ATP2B4: variants seen among roughly 807,000 people sequenced by gnomAD.
The protein encoded by ATP2B4 is plasma membrane calcium-transporting ATPase 4.
Under a neutral mutation model 110.3 loss-of-function variants are expected in ATP2B4, and 39 were observed. The observed-to-expected ratio is 0.35, with a 90% CI of 0.27 to 0.46. The LOEUF (loss-of-function observed/expected upper bound fraction) is 0.46, where lower values mean the gene tolerates loss of function less well. Ranked by LOEUF, ATP2B4 falls within the 20% of genes least tolerant of loss-of-function variation. The pLI is 1.00. For missense variants in ATP2B4, 1,135 were observed against 1,530.9 expected, an observed-to-expected ratio of 0.74 and a Z score of 4.32; for synonymous variants, 538 against 571.7, an observed-to-expected ratio of 0.94 and a Z score of 0.84.
At chr1:203,711,202 C>T in intron 12 of ATP2B4, 94 bp downstream of exon 12, 10 of 1,143,180 alleles carry the variant, frequency 8.7e-6, no homozygotes, top group Non-Finnish European at 1.2e-5. Context: ...AACTGCCTCT[C>T]ACTTAGAGGG....
intron 1 of ATP2B4, among the ~76,000 whole-genome samples, chr1:203,670,492 T>G (rs1664629379): frequency 6.6e-6 from 1 of 152,250 alleles, no homozygotes; most frequent in Non-Finnish European, 1.5e-5. Flanking sequence ...TTCATACTCT[T>G]AACCTAGGAA....
chr1:203,712,363 C>T (rs1276169595), intron 13 of ATP2B4, among the ~76,000 whole-genome samples: 9 of 152,062 alleles, frequency 5.9e-5, no homozygotes, highest in Non-Finnish European at 1.0e-4. Context: ...GAGGCCACGG[C>T]GGGTGGATCA....
At chr1:203,702,722 G>T (rs554908958) in intron 7 of ATP2B4, among the ~76,000 whole-genome samples, 2 of 152,312 alleles carry the variant, frequency 1.3e-5, no homozygotes, top group South Asian at 4.1e-4. Flanking sequence ...ACTCAGGAAG[G>T]GTATCCTAAG....
intron 1 of ATP2B4, among the ~76,000 whole-genome samples, chr1:203,656,610 A>G (rs1664171687): frequency 6.6e-6 from 1 of 152,258 alleles, no homozygotes; most frequent in Non-Finnish European, 1.5e-5. Context: ...AACGAGGTAG[A>G]AGATACTTCA....
intron 2 of ATP2B4, among the ~76,000 whole-genome samples, chr1:203,696,764 A>G (rs1038029645): frequency 2.0e-5 from 3 of 151,816 alleles, no homozygotes; most frequent in Non-Finnish European, 2.9e-5. Context: ...TATGTGGTGC[A>G]TGTTCTGTGT....
intron 3 of ATP2B4, among the ~76,000 whole-genome samples, chr1:203,698,795 C>G (rs1003266894): frequency 1.3e-5 from 2 of 152,012 alleles, no homozygotes; most frequent in Admixed American, 1.3e-4. Flanking sequence ...TGCCATCACG[C>G]CTGGCTAATT....
intron 13 of ATP2B4, 102 bp from the exon 14 acceptor site, chr1:203,713,063 T>G: frequency 8.2e-7 from 1 of 1,212,926 alleles, no homozygotes; most frequent in Non-Finnish European, 1.2e-6. Flanking sequence ...GGGACTGTGG[T>G]GTACCCAATC....
rs1558045767 is a variant in ATP2B4, at chr1:203,710,917, T to A, written c.1840T>A (p.Phe614Ile). ...GGACCGGAAAGGGGAAGCAGTGCCATTCAAGAATAAAGACAGAGATGATAT... is the reference window on the plus strand; with the variant it reads ...GGACCGGAAAGGGGAAGCAGTGCCAATCAAGAATAAAGACAGAGATGATAT... ...ILDRKGEAVP[F>I]KNKDRDDMVR... The change falls in exon 12 of 21, where the codon TTC becomes ATC. Residue 614 changes from phenylalanine (F) to isoleucine (I), a missense_variant. Physicochemically the swap from Phe to Ile is conservative, Grantham distance 21. Coordinates refer to ENST00000357681, the MANE Select transcript of ATP2B4 (RefSeq NM_001684.5). 1 of 1,614,078 alleles carries A rather than the reference T, an allele frequency of 6.2e-7. No individual in the cohort carries two copies. The highest frequency in any genetic ancestry group is 8.5e-7 in the Non-Finnish European group (1 of 1,179,976).
chr1:203,653,652 G>A (rs1664064481), intron 1 of ATP2B4, among the ~76,000 whole-genome samples: 1 of 152,040 alleles, frequency 6.6e-6, no homozygotes. Flanking sequence ...ACCCCTCAAG[G>A]TTCAAGTGAT....
chr1:203,667,887 G>A (rs1664554031), intron 1 of ATP2B4, among the ~76,000 whole-genome samples: 1 of 152,216 alleles, frequency 6.6e-6, no homozygotes, highest in Non-Finnish European at 1.5e-5. Context: ...CACTGAAAAA[G>A]ATCCCTCTCT....
At chr1:203,691,054 A>G (rs1665358586) in intron 2 of ATP2B4, among the ~76,000 whole-genome samples, 2 of 152,100 alleles carry the variant, frequency 1.3e-5, no homozygotes, top group Non-Finnish European at 2.9e-5. Flanking sequence ...CTCCTTGCCT[A>G]GAGCTGGGCT....
chr1:203,701,334 TA>T (rs1288217581), intron 6 of ATP2B4, among the ~76,000 whole-genome samples: 1 of 151,420 alleles, frequency 6.6e-6, no homozygotes, highest in Admixed American at 6.6e-5. Context: ...GCCAGAAGAG[TA>T]AAATAGATTT....
At chr1:203,666,967 T>C (rs76137039) in intron 1 of ATP2B4, among the ~76,000 whole-genome samples, 6,396 of 152,220 alleles carry the variant, frequency 0.042, 270 homozygotes, top group African/African-American at 0.11. Flanking sequence ...TTTGTTTCGT[T>C]TTAAGATAGG....
chr1:203,714,015 C>T (rs1227397986), intron 14 of ATP2B4, among the ~76,000 whole-genome samples, 156 bp from the exon 15 acceptor site: 1 of 152,024 alleles, frequency 6.6e-6, no homozygotes, highest in Non-Finnish European at 1.5e-5. Flanking sequence ...TTCAGTGCTA[C>T]TCATGAAACA....
At chr1:203,667,444 C>T (rs973996638) in intron 1 of ATP2B4, among the ~76,000 whole-genome samples, 6 of 152,244 alleles carry the variant, frequency 3.9e-5, no homozygotes, top group South Asian at 2.1e-4. Flanking sequence ...GTGGCCTATA[C>T]TTATTTTTCC....
chr1:203,729,602 C>A, intron 20 of ATP2B4: 2 of 605,592 alleles, frequency 3.3e-6, no homozygotes, highest in Non-Finnish European at 6.0e-6. Flanking sequence ...ATGCACCTGA[C>A]TGTACTTCCA....
chr1:203,727,383 G>A lies in ATP2B4; in HGVS notation c.3133-12G>A, dbSNP rs749302742. ...ATTCTGACGTCTTCCTCTTCGCTGCGCTTGTTTTCAGTTCATCTCCGCAAT... is the reference window on the plus strand; with the variant it reads ...ATTCTGACGTCTTCCTCTTCGCTGCACTTGTTTTCAGTTCATCTCCGCAAT... On this transcript the variant is annotated splice_polypyrimidine_tract_variant and intron_variant, in intron 19 of 20. Coordinates refer to ENST00000357681, the MANE Select transcript of ATP2B4 (RefSeq NM_001684.5). The A allele has an allele frequency of 9.9e-6, 16 of 1,613,396 alleles. No individual in the cohort carries two copies. The highest frequency in any genetic ancestry group is 4.4e-5 in the South Asian group (4 of 91,052).
intron 3 of ATP2B4, 81 bp from the exon 4 acceptor site, chr1:203,699,379 G>A (rs1665624308): frequency 6.4e-7 from 1 of 1,558,148 alleles, no homozygotes; most frequent in Admixed American, 1.8e-5. Flanking sequence ...TCTATCTTGG[G>A]GTGATTGTGG....
intron 1 of ATP2B4, among the ~76,000 whole-genome samples, chr1:203,667,501 G>C (rs1251791163): frequency 1.3e-5 from 2 of 152,166 alleles, no homozygotes; most frequent in East Asian, 3.9e-4. Context: ...CAGTTACTCA[G>C]TAGACTAGTG....
Sources: gnomAD v4.1 joint callset for allele counts (sites outside exome capture counted in the v4.1 genomes callset) on GRCh38, gnomAD v4.1.1 for gene constraint, MANE v1.5 for transcripts, NCBI Gene and HGNC (gene_info 2026-07-23, HGNC 2026-07-21) for gene names.